MEGF10: variants seen among roughly 807,000 people sequenced by gnomAD.
The protein encoded by MEGF10 is multiple EGF like domains 10.
Under a neutral mutation model 147.5 loss-of-function variants are expected in MEGF10, and 86 were observed. The observed-to-expected ratio is 0.58, with a 90% CI of 0.49 to 0.70. The LOEUF (loss-of-function observed/expected upper bound fraction) is 0.70, where lower values mean the gene tolerates loss of function less well. Among genes scored for constraint, MEGF10 ranks in the 30% least tolerant of loss-of-function variants. The pLI is 0.00. For synonymous variants in MEGF10, 478 were observed against 525.5 expected, an observed-to-expected ratio of 0.91 and a Z score of 1.24; for missense variants, 1,329 against 1,487.3, an observed-to-expected ratio of 0.89 and a Z score of 1.75.
rs112521434 is a variant in MEGF10, at chr5:127,392,091, G to A, written c.413-4441G>A. On this transcript the variant is annotated intron_variant, in intron 5 of 24. Coordinates refer to ENST00000503335, the MANE Select transcript of MEGF10 (RefSeq NM_001256545.2). Reference sequence around the variant, plus strand: ...CCATTTTCAGAGAGCATCTTAGATCGGTTCTCAAAAGTGTGCCTAAGGACA... The same window carrying A: ...CCATTTTCAGAGAGCATCTTAGATCAGTTCTCAAAAGTGTGCCTAAGGACA... 3.3e-3 allele frequency among the ~76,000 whole-genome samples: 509 copies of A among 152,258 alleles called. 1 individual carries two copies. Among genetic ancestry groups the A allele is most frequent in the African/African-American group, 0.011 (472 of 41,558 alleles).
intron 5 of MEGF10, among the ~76,000 whole-genome samples, chr5:127,391,348 C>T (rs114606104): frequency 0.01 from 1,530 of 151,864 alleles, 30 homozygotes; most frequent in African/African-American, 0.035. Flanking sequence ...TGCCAAGGTG[C>T]GCAGATAGCT....
At chr5:127,364,172 A>T (rs1480207538) in intron 4 of MEGF10, among the ~76,000 whole-genome samples, 1 of 152,236 alleles carries the variant, frequency 6.6e-6, no homozygotes, top group East Asian at 1.9e-4. Context: ...GTACAATTCA[A>T]CCATTTTTAG....
At position 127,419,173 on chromosome 5, in the gene MEGF10, C is replaced by G. The variant is rs1434268995; in HGVS notation, c.1359C>G (p.Ser453=). Residue 453 remains serine, a synonymous_variant, in exon 11 of 25, where the codon TCC becomes TCG. Coordinates refer to ENST00000503335, the MANE Select transcript of MEGF10 (RefSeq NM_001256545.2). ...TGGGAACCTATGGGATAAACTGTTC[C>G]TCTCGCTGTGGCTGTAAAAATGATG... ...CPLGTYGINC[S]SRCGCKNDAV... The G allele has an allele frequency of 8.1e-6, 13 of 1,614,186 alleles. No homozygotes were observed. Among genetic ancestry groups the G allele is most frequent in the Non-Finnish European group, 1.1e-5 (13 of 1,180,022 alleles).
intron 24 of MEGF10, 122 bp from the exon 25 acceptor site, chr5:127,457,006 C>A: frequency 9.9e-7 from 1 of 1,012,000 alleles, no homozygotes; most frequent in South Asian, 1.9e-5. Context: ...GTTTTTAAAA[C>A]CAGCATTTCC....
In MEGF10 at chr5:127,454,505, T is replaced by C. The variant is rs1461350051; in HGVS notation, c.2981-61T>C. 6.1e-6 allele frequency: 9 copies of C among 1,482,272 alleles called. No homozygotes were observed. The African/African-American group carries it at 1.1e-4, about 19-fold the overall frequency. 91.8% of individuals were successfully genotyped at this position (1,482,272 alleles called of 1,614,324 possible). On this transcript the variant is annotated intron_variant, in intron 22 of 24. Transcript: ENST00000503335. ...ATCCTCTTCCAGGACCTTGGGATAT[T>C]GGATGGGGTTTTTCTTCCTTTCAGT...
At chr5:127,379,064 CTTTT>C (rs35798578) in intron 5 of MEGF10, among the ~76,000 whole-genome samples, 5 of 121,470 alleles carry the variant, frequency 4.1e-5, no homozygotes, top group Admixed American at 8.3e-5. Flanking sequence ...ATTGATTTTT[CTTTT>C]TTTTTTTTTT....
intron 9 of MEGF10, 121 bp from the exon 10 acceptor site, chr5:127,417,517 T>C: frequency 1.0e-6 from 1 of 966,658 alleles, no homozygotes; most frequent in South Asian, 1.5e-5. Context: ...GAATGAAGTT[T>C]GAATTATTCT....
intron 1 of MEGF10, among the ~76,000 whole-genome samples, chr5:127,323,216 G>A (rs1173472036): frequency 6.6e-6 from 1 of 152,188 alleles, no homozygotes; most frequent in African/African-American, 2.4e-5. Flanking sequence ...AAGTAACCCA[G>A]TGAACAGTCT....
At chr5:127,328,638 G>A (rs913582674) in intron 1 of MEGF10, among the ~76,000 whole-genome samples, 1 of 152,132 alleles carries the variant, frequency 6.6e-6, no homozygotes, top group African/African-American at 2.4e-5. Context: ...TTGATTCATG[G>A]CTTGGGACAA....
intron 1 of MEGF10, among the ~76,000 whole-genome samples, chr5:127,299,356 A>G (rs1371168071): frequency 6.6e-6 from 1 of 152,172 alleles, no homozygotes; most frequent in East Asian, 1.9e-4. Flanking sequence ...CTGAAATACA[A>G]TGAGTGCCAT....
At chr5:127,394,463 C>T (rs1373943443) in intron 5 of MEGF10, among the ~76,000 whole-genome samples, 3 of 151,996 alleles carry the variant, frequency 2.0e-5, no homozygotes, top group East Asian at 1.9e-4. Context: ...TTAGCTCATA[C>T]GGAATGATTT....
At chr5:127,424,215 T>G (rs1765129579) in intron 13 of MEGF10, 1 of 616,954 alleles carries the variant, frequency 1.6e-6, no homozygotes, top group Non-Finnish European at 2.9e-6. Context: ...GACTCCGTAT[T>G]TCATTTCATT....
At chr5:127,246,796 AT>A in the MEGF10 span, among the ~76,000 whole-genome samples, 54,322 of 137,320 alleles carry the variant, frequency 0.4, 11,433 homozygotes, top group Admixed American at 0.51. Flanking sequence ...AATTTATAAT[AT>A]TTATAAATAT....
the MEGF10 span, among the ~76,000 whole-genome samples, chr5:127,263,496 G>A: frequency 0.013 from 1,970 of 152,142 alleles, 29 homozygotes; most frequent in African/African-American, 0.043. Context: ...CATCTTGGGA[G>A]ACTTTAATTT....
Position 127,398,813 on chromosome 5 carries a change from C to A in MEGF10, c.780+17C>A. On this transcript the variant is annotated intron_variant, in intron 7 of 24. Coordinates refer to ENST00000503335, the MANE Select transcript of MEGF10 (RefSeq NM_001256545.2). ...GGCTGGATGGTAAGCTTCCTTCCCA[C>A]CTCCTCTGCCCCTGCCCCAAAGTCA... 2 of 1,613,030 alleles carry A rather than the reference C, an allele frequency of 1.2e-6. No homozygotes were observed. The highest frequency in any genetic ancestry group is 1.7e-6 in the Non-Finnish European group (2 of 1,179,772).
chr5:127,280,534 A>T, the MEGF10 span, among the ~76,000 whole-genome samples: 1 of 152,118 alleles, frequency 6.6e-6, no homozygotes, highest in Admixed American at 6.5e-5. Context: ...CCCTGTCTGA[A>T]GTCTCCTGTA....
intron 13 of MEGF10, among the ~76,000 whole-genome samples, chr5:127,432,399 G>A (rs1765414778): frequency 6.6e-6 from 1 of 152,156 alleles, no homozygotes; most frequent in Non-Finnish European, 1.5e-5. Context: ...GGTACTGGGT[G>A]GTTGTTAGTA....
At chr5:127,407,348 A>G (rs539227354) in intron 8 of MEGF10, among the ~76,000 whole-genome samples, 71 of 152,298 alleles carry the variant, frequency 4.7e-4, no homozygotes, top group African/African-American at 1.6e-3. Context: ...CAGGGGTGAA[A>G]GCGGTACCTG....
chr5:127,270,149 C>T, the MEGF10 span, among the ~76,000 whole-genome samples: 6 of 152,270 alleles, frequency 3.9e-5, no homozygotes, highest in African/African-American at 9.6e-5. Context: ...TAAAGACCAT[C>T]GATGCTGGGA....
Sources: allele counts gnomAD v4.1 joint callset (sites outside exome capture counted in the v4.1 genomes callset), GRCh38; gene constraint gnomAD v4.1.1; transcripts MANE v1.5; gene names NCBI Gene and HGNC (gene_info 2026-07-23, HGNC 2026-07-21).